Variants in SLC16A2 observed in about 807,000 individuals in gnomAD.
SLC16A2 encodes the protein monocarboxylate transporter 8.
In SLC16A2, 3 loss-of-function variants were observed where a neutral mutation model predicts 27.2. That is an observed-to-expected ratio of 0.11 (90% CI 0.05 to 0.28). SLC16A2 has a LOEUF of 0.28. Among genes scored for constraint, SLC16A2 ranks in the 10% least tolerant of loss-of-function variants. The pLI, the probability that SLC16A2 is intolerant of heterozygous loss-of-function variation, is 1.00. For synonymous variants in SLC16A2, 202 were observed against 187.8 expected (o/e 1.08, Z -0.62); for missense variants, 295 against 458.5 (o/e 0.64, Z 3.26).
Position 74,533,893 on chromosome X carries a change from C to T in SLC16A2, c.*2340C>T, listed in dbSNP as rs767416180. 8.9e-6 allele frequency: 1 copy of T among 112,302 alleles called. No individual in the cohort carries two copies. Among genetic ancestry groups the T allele is most frequent in the Non-Finnish European group, 1.9e-5 (1 of 53,224 alleles). The allele number at this position is 112,302 out of a possible 1,213,427, so 9.3% of individuals were successfully genotyped here. Reference sequence around the variant, plus strand: ...ATTTAAATCCTCAAGGAGTTTGGAACAAAATAAACAGATCTAAAAATTTGG... The same window carrying T: ...ATTTAAATCCTCAAGGAGTTTGGAATAAAATAAACAGATCTAAAAATTTGG... On this transcript the variant is annotated 3_prime_UTR_variant, in exon 6 of 6. Coordinates refer to ENST00000587091, the MANE Select transcript of SLC16A2 (RefSeq NM_006517.5).
At chrX:74,454,651 A>G (rs1293145263) in intron 1 of SLC16A2, among the ~76,000 whole-genome samples, 1 of 109,532 alleles carries the variant, frequency 9.1e-6, no homozygotes, top group African/African-American at 3.3e-5. Context: ...TGGGTGCAGC[A>G]CACCAACATG....
intron 1 of SLC16A2, among the ~76,000 whole-genome samples, chrX:74,499,455 C>CTT (rs750553597): frequency 2.2e-4 from 22 of 99,560 alleles, no homozygotes; most frequent in African/African-American, 6.9e-4. Flanking sequence ...TTCTTTCTTT[C>CTT]TTTTTTTTTT....
rs1318375669 is a variant in SLC16A2, at chrX:74,497,142, G to A, written c.431-23848G>A. Among the ~76,000 whole-genome samples, 8 of 111,855 alleles carry A rather than the reference G, an allele frequency of 7.2e-5. No individual in the cohort carries two copies. In the East Asian group the frequency reaches 2.3e-3, roughly 32 times the overall value. ...GGAGGTCTTGGGAAATGCAACATTTGGGCAGATAAACAAAAATGCCTGTCC... is the reference window on the plus strand; with the variant it reads ...GGAGGTCTTGGGAAATGCAACATTTAGGCAGATAAACAAAAATGCCTGTCC... On this transcript the variant is annotated intron_variant, in intron 1 of 5. Transcript: ENST00000587091.
At chrX:74,504,246 C>T (rs1448943397) in intron 1 of SLC16A2, among the ~76,000 whole-genome samples, 2 of 112,102 alleles carry the variant, frequency 1.8e-5, no homozygotes, top group African/African-American at 3.3e-5. Flanking sequence ...ACTGCCAGGT[C>T]GCTCTTGAGT....
In SLC16A2 at chrX:74,452,855, G is replaced by A. The variant is rs537445083; in HGVS notation, c.430+30788G>A. Among the ~76,000 whole-genome samples, 18 of 110,705 alleles carry A rather than the reference G, an allele frequency of 1.6e-4. No individual in the cohort carries two copies. The South Asian group carries it at 6.6e-3, about 41-fold the overall frequency. On this transcript the variant is annotated intron_variant, in intron 1 of 5. Coordinates refer to ENST00000587091, the MANE Select transcript of SLC16A2 (RefSeq NM_006517.5). ...CAAGGTATAGCCTACTCAGAGCAGA[G>A]GAAAACATGACTATCTCCTCATTTG...
intron 1 of SLC16A2, among the ~76,000 whole-genome samples, chrX:74,488,440 T>C (rs1326932972): frequency 8.9e-6 from 1 of 111,821 alleles, no homozygotes; most frequent in Non-Finnish European, 1.9e-5. Flanking sequence ...AGACAGATTA[T>C]ATAAAAATTT....
At chrX:74,423,219 G>T (rs921607475) in intron 1 of SLC16A2, among the ~76,000 whole-genome samples, 1 of 112,070 alleles carries the variant, frequency 8.9e-6, no homozygotes, top group African/African-American at 3.2e-5. Flanking sequence ...CCCTCTCGTG[G>T]CTCCTCAGGA....
intron 1 of SLC16A2, among the ~76,000 whole-genome samples, chrX:74,426,363 C>G (rs1928402203): frequency 8.9e-6 from 1 of 111,982 alleles, no homozygotes; most frequent in African/African-American, 3.2e-5. Flanking sequence ...ATGACCATGA[C>G]TGATACTGAA....
chrX:74,429,952 T>G (rs1928504558), intron 1 of SLC16A2, among the ~76,000 whole-genome samples: 1 of 111,887 alleles, frequency 8.9e-6, no homozygotes, highest in Non-Finnish European at 1.9e-5. Context: ...GGGAAAAAAA[T>G]GTGAAGCACA....
chrX:74,479,672 T>A (rs1333684218), intron 1 of SLC16A2, among the ~76,000 whole-genome samples: 4 of 112,417 alleles, frequency 3.6e-5, no homozygotes, highest in Non-Finnish European at 7.5e-5. Flanking sequence ...GGTGTGGATG[T>A]CCTTTCTGTT....
intron 1 of SLC16A2, among the ~76,000 whole-genome samples, chrX:74,441,612 T>G (rs1176081030): frequency 9.0e-6 from 1 of 111,547 alleles, no homozygotes; most frequent in African/African-American, 3.3e-5. Context: ...ACCAGACCTG[T>G]CTCCCTGAAG....
intron 1 of SLC16A2, among the ~76,000 whole-genome samples, chrX:74,519,263 C>T (rs986893053): frequency 2.8e-5 from 3 of 107,308 alleles, no homozygotes; most frequent in African/African-American, 1.0e-4. Context: ...CTGCAAGCTC[C>T]GCCTCTTGGG....
chrX:74,494,352 A>G (rs934647675), intron 1 of SLC16A2, among the ~76,000 whole-genome samples: 16 of 111,558 alleles, frequency 1.4e-4, no homozygotes, highest in Non-Finnish European at 2.4e-4. Context: ...CAGCTTCAAC[A>G]ATTATCAGCG....
intron 1 of SLC16A2, among the ~76,000 whole-genome samples, chrX:74,520,256 G>A (rs1930385042): frequency 1.8e-5 from 2 of 111,181 alleles, no homozygotes; most frequent in South Asian, 3.8e-4. Context: ...ATTATTTGGC[G>A]GAGAAAAGAG....
intron 1 of SLC16A2, among the ~76,000 whole-genome samples, chrX:74,497,175 G>A (rs1187387994): frequency 1.8e-5 from 2 of 111,793 alleles, no homozygotes; most frequent in Non-Finnish European, 3.8e-5. Flanking sequence ...TCCTCACTTA[G>A]GTCCATAGGC....
In SLC16A2 at chrX:74,448,997, T is replaced by A. The variant is rs558188548; in HGVS notation, c.430+26930T>A. Among the ~76,000 whole-genome samples, 4 of 111,600 alleles carry A rather than the reference T, an allele frequency of 3.6e-5. No homozygotes were observed. In the South Asian group the frequency reaches 1.1e-3, roughly 32 times the overall value. On this transcript the variant is annotated intron_variant, in intron 1 of 5. Transcript: ENST00000587091. ...TAGCACTGTGTTTCACCCTGCCCAA[T>A]TGTGCAGGGCTGTCTGGGGCCTTGG...
At chrX:74,503,171 C>T (rs1351413764) in intron 1 of SLC16A2, among the ~76,000 whole-genome samples, 1 of 110,238 alleles carries the variant, frequency 9.1e-6, no homozygotes. Flanking sequence ...TCTACCTCTA[C>T]CCAAATTATA....
intron 1 of SLC16A2, among the ~76,000 whole-genome samples, chrX:74,485,334 G>C (rs1230277367): frequency 9.1e-6 from 1 of 110,484 alleles, no homozygotes; most frequent in Non-Finnish European, 1.9e-5. Context: ...TTTAGTTACA[G>C]ACTTTTAGCC....
chrX:74,430,933 G>A lies in SLC16A2; in HGVS notation c.430+8866G>A, dbSNP rs189083245. Among the ~76,000 whole-genome samples, 87 of 112,195 alleles carry A rather than the reference G, an allele frequency of 7.8e-4. 1 individual carries two copies. The highest frequency in any genetic ancestry group is 2.4e-3 in the African/African-American group (73 of 30,902). ...ATTTTTGTATTTTTTGTAGAGATGG[G>A]GTTTCTTCATGTTGCCCAGGCTGAT... On this transcript the variant is annotated intron_variant, in intron 1 of 5. Coordinates refer to ENST00000587091, the MANE Select transcript of SLC16A2 (RefSeq NM_006517.5).
Sources: gnomAD v4.1 joint callset for allele counts (sites outside exome capture counted in the v4.1 genomes callset) on GRCh38, gnomAD v4.1.1 for gene constraint, MANE v1.5 for transcripts, NCBI Gene and HGNC (gene_info 2026-07-23, HGNC 2026-07-21) for gene names.